Variants in LOC128092252 observed in about 807,000 individuals in gnomAD.
At chr15:50,682,190 A>AAAAAAAAAAAAAAAAC in the LOC128092252 span, among the ~76,000 whole-genome samples, 2 of 148,454 alleles carry the variant, frequency 1.3e-5, no homozygotes, top group African/African-American at 2.4e-5. Context: ...AAAAAAAAAA[A>AAAAAAAAAAAAAAAAC]AGGACTGTGA....
chr15:50,655,876 G>A, the LOC128092252 span, among the ~76,000 whole-genome samples: 2 of 152,064 alleles, frequency 1.3e-5, no homozygotes. Flanking sequence ...TGTAATCCCA[G>A]CTTCTGGGGA....
the LOC128092252 span, chr15:50,663,067 G>T: frequency 6.3e-7 from 1 of 1,576,850 alleles, no homozygotes; most frequent in Non-Finnish European, 8.7e-7. Context: ...ATGTTTTAAA[G>T]AATTGTTTAT....
At chr15:50,676,388 A>C in the LOC128092252 span, among the ~76,000 whole-genome samples, 5 of 152,098 alleles carry the variant, frequency 3.3e-5, no homozygotes, top group Admixed American at 2.0e-4. Context: ...TATTAGGCTA[A>C]CCATCCCTCA....
chr15:50,658,558 C>G, the LOC128092252 span, among the ~76,000 whole-genome samples: 3,236 of 145,286 alleles, frequency 0.022, 116 homozygotes, highest in African/African-American at 0.08. Context: ...GGCGAAAGAG[C>G]GAGAAACTGT....
At chr15:50,668,039 C>A in the LOC128092252 span, among the ~76,000 whole-genome samples, 3 of 152,180 alleles carry the variant, frequency 2.0e-5, no homozygotes, top group Admixed American at 6.5e-5. Context: ...AACCAAAATT[C>A]TTTGTCAATC....
At chr15:50,678,998 C>T in the LOC128092252 span, among the ~76,000 whole-genome samples, 17 of 152,148 alleles carry the variant, frequency 1.1e-4, no homozygotes, top group African/African-American at 3.6e-4. Context: ...CTCAGCCTCC[C>T]GAGTAGCTGG....
the LOC128092252 span, among the ~76,000 whole-genome samples, chr15:50,662,592 T>C: frequency 6.6e-6 from 1 of 152,200 alleles, no homozygotes; most frequent in African/African-American, 2.4e-5. Context: ...AACCATAGTG[T>C]TGGATACCCA....
At chr15:50,682,868 C>T in the LOC128092252 span, among the ~76,000 whole-genome samples, 15 of 151,694 alleles carry the variant, frequency 9.9e-5, no homozygotes, top group African/African-American at 3.1e-4. Context: ...AAACTAACCT[C>T]AACCACTGAA....
chr15:50,678,925 G>C, the LOC128092252 span, among the ~76,000 whole-genome samples: 1 of 152,272 alleles, frequency 6.6e-6, no homozygotes, highest in East Asian at 1.9e-4. Context: ...CCAGGCTGGA[G>C]TGCAATGGCG....
the LOC128092252 span, among the ~76,000 whole-genome samples, chr15:50,669,510 G>C: frequency 6.6e-6 from 1 of 152,122 alleles, no homozygotes; most frequent in Non-Finnish European, 1.5e-5. Context: ...ATGGAACAGA[G>C]TTCCATCAAA....
At chr15:50,662,438 A>G in the LOC128092252 span, among the ~76,000 whole-genome samples, 1 of 151,940 alleles carries the variant, frequency 6.6e-6, no homozygotes, top group Admixed American at 6.6e-5. Context: ...ATTTTTTTCT[A>G]TTATCAAAGC....
the LOC128092252 span, among the ~76,000 whole-genome samples, chr15:50,660,907 C>T: frequency 6.6e-6 from 1 of 151,702 alleles, no homozygotes; most frequent in African/African-American, 2.4e-5. Context: ...TCGAAAACAA[C>T]TAAATTGACC....
the LOC128092252 span, among the ~76,000 whole-genome samples, chr15:50,674,091 C>T: frequency 1.3e-5 from 2 of 152,130 alleles, no homozygotes; most frequent in Non-Finnish European, 2.9e-5. Flanking sequence ...CAGGTTCAAG[C>T]GATTCTCCTG....
chr15:50,673,634 G>GTGTA, the LOC128092252 span, among the ~76,000 whole-genome samples: 4 of 150,316 alleles, frequency 2.7e-5, no homozygotes, highest in African/African-American at 9.8e-5. Context: ...GTATTCCCTC[G>GTGTA]TATATATATA....
the LOC128092252 span, among the ~76,000 whole-genome samples, chr15:50,681,049 G>A: frequency 2.6e-5 from 4 of 151,978 alleles, no homozygotes; most frequent in African/African-American, 7.2e-5. Flanking sequence ...TCAGGAGTTC[G>A]AGACCAGCCT....
chr15:50,679,224 A>G, the LOC128092252 span, among the ~76,000 whole-genome samples: 3 of 151,310 alleles, frequency 2.0e-5, no homozygotes, highest in Non-Finnish European at 2.9e-5. Flanking sequence ...CATTTTAGGT[A>G]CTTGGGAGGC....
the LOC128092252 span, among the ~76,000 whole-genome samples, chr15:50,682,141 G>A: frequency 5.2e-5 from 6 of 115,336 alleles, no homozygotes; most frequent in East Asian, 9.0e-4. Context: ...TCGCGCCACC[G>A]CAAGCCTGGG....
At chr15:50,676,949 A>G in the LOC128092252 span, among the ~76,000 whole-genome samples, 1 of 152,228 alleles carries the variant, frequency 6.6e-6, no homozygotes. Context: ...GCTAAATAAA[A>G]TAACTGAGCA....
the LOC128092252 span, chr15:50,657,685 T>G: frequency 9.2e-7 from 1 of 1,092,286 alleles, no homozygotes; most frequent in Non-Finnish European, 1.4e-6. Flanking sequence ...TATAATAGCA[T>G]GTGAGTTTCA....
Sources: gnomAD v4.1 joint callset for allele counts (sites outside exome capture counted in the v4.1 genomes callset) on GRCh38, gnomAD v4.1.1 for gene constraint, MANE v1.5 for transcripts.